The following KIAA1328 variants were observed in gnomAD, a reference collection of about 807,000 sequenced individuals.
The protein encoded by KIAA1328 is KIAA1328, also known as protein hinderin.
Under a neutral mutation model 68.1 loss-of-function variants are expected in KIAA1328, and 52 were observed. That is an observed-to-expected ratio of 0.76 (90% confidence interval 0.61 to 0.96). The LOEUF is 0.96. Ranked by LOEUF, KIAA1328 falls within the 40% of genes least tolerant of loss-of-function variation. KIAA1328 has a pLI of 0.00. For synonymous variants in KIAA1328, 232 were observed against 239.4 expected, an observed-to-expected ratio of 0.97 and a Z score of 0.28; for missense variants, 641 against 677.6, an observed-to-expected ratio of 0.95 and a Z score of 0.60.
chr18:37,055,955 G>A (rs2055889838), intron 6 of KIAA1328, among the ~76,000 whole-genome samples: 1 of 152,154 alleles, frequency 6.6e-6, no homozygotes. Flanking sequence ...AAATGCATTG[G>A]AAGTAATCAC....
At chr18:36,877,074 C>T (rs1568110466) in intron 4 of KIAA1328, among the ~76,000 whole-genome samples, 1 of 152,090 alleles carries the variant, frequency 6.6e-6, no homozygotes, top group Non-Finnish European at 1.5e-5. Flanking sequence ...TTTGCATTTG[C>T]TGGGGAGTGT....
At chr18:36,877,935 G>A (rs1003357869) in intron 4 of KIAA1328, among the ~76,000 whole-genome samples, 1 of 152,010 alleles carries the variant, frequency 6.6e-6, no homozygotes, top group Non-Finnish European at 1.5e-5. Flanking sequence ...CCAAAGTGCT[G>A]GGATTACGGG....
intron 5 of KIAA1328, among the ~76,000 whole-genome samples, chr18:36,934,093 C>A (rs931919748): frequency 2.2e-4 from 33 of 152,212 alleles, no homozygotes; most frequent in Non-Finnish European, 4.4e-4. Context: ...CAGCTAGGAT[C>A]CCAGAGGTCT....
intron 7 of KIAA1328, among the ~76,000 whole-genome samples, chr18:37,080,729 G>A (rs900862973): frequency 7.3e-5 from 11 of 150,352 alleles, no homozygotes; most frequent in African/African-American, 2.2e-4. Context: ...GCAGTGAGCC[G>A]AGATCGCGCC....
intron 7 of KIAA1328, among the ~76,000 whole-genome samples, chr18:37,076,457 A>G (rs1483445844): frequency 6.6e-6 from 1 of 151,900 alleles, no homozygotes; most frequent in Non-Finnish European, 1.5e-5. Context: ...TTCAAAAGCT[A>G]GCAGAAGACT....
chr18:37,162,611 TA>T (rs748930221), intron 8 of KIAA1328, among the ~76,000 whole-genome samples: 11 of 152,212 alleles, frequency 7.2e-5, no homozygotes, highest in Non-Finnish European at 1.5e-4. Flanking sequence ...AAACCCTGTT[TA>T]TCATAAGGCT....
chr18:37,101,108 G>A (rs373958843), intron 7 of KIAA1328, among the ~76,000 whole-genome samples: 202 of 152,274 alleles, frequency 1.3e-3, no homozygotes, highest in African/African-American at 4.4e-3. Context: ...ATATCAGAGC[G>A]CCTCTCCTCC....
At chr18:36,843,023 T>C (rs2046910400) in intron 3 of KIAA1328, among the ~76,000 whole-genome samples, 1 of 151,988 alleles carries the variant, frequency 6.6e-6, no homozygotes, top group East Asian at 1.9e-4. Flanking sequence ...ACTAATATTT[T>C]TTCTTAATTT....
At chr18:36,866,265 T>A (rs1328187474) in intron 4 of KIAA1328, among the ~76,000 whole-genome samples, 1 of 152,090 alleles carries the variant, frequency 6.6e-6, no homozygotes, top group Non-Finnish European at 1.5e-5. Flanking sequence ...CCTTCTTCTC[T>A]TACTTAGGTT....
intron 7 of KIAA1328, among the ~76,000 whole-genome samples, chr18:37,086,416 T>C (rs948234844): frequency 6.6e-6 from 1 of 152,234 alleles, no homozygotes; most frequent in Non-Finnish European, 1.5e-5. Flanking sequence ...AATCCTGCTC[T>C]AGTATGAACT....
At chr18:37,020,662 G>A (rs544243411) in intron 6 of KIAA1328, among the ~76,000 whole-genome samples, 2 of 152,238 alleles carry the variant, frequency 1.3e-5, no homozygotes, top group East Asian at 3.9e-4. Flanking sequence ...ATATGTAATA[G>A]AATTTAATCC....
At chr18:36,965,330 A>C (rs2051875086) in intron 6 of KIAA1328, among the ~76,000 whole-genome samples, 1 of 151,754 alleles carries the variant, frequency 6.6e-6, no homozygotes, top group Non-Finnish European at 1.5e-5. Flanking sequence ...CAGACTGGTC[A>C]AGAATCTGAA....
chr18:37,217,700 T>C (rs2060472409), intron 9 of KIAA1328, among the ~76,000 whole-genome samples: 2 of 152,212 alleles, frequency 1.3e-5, no homozygotes, highest in Admixed American at 1.3e-4. Flanking sequence ...ATTTCCTGAA[T>C]TTGAATGTTG....
intron 4 of KIAA1328, among the ~76,000 whole-genome samples, chr18:36,870,039 T>A (rs1182263133): frequency 6.6e-6 from 1 of 152,028 alleles, no homozygotes; most frequent in African/African-American, 2.4e-5. Context: ...ATTTTTGTAT[T>A]TTTTAGTAGA....
intron 9 of KIAA1328, among the ~76,000 whole-genome samples, chr18:37,191,861 T>C (rs2059910328): frequency 6.6e-6 from 1 of 152,176 alleles, no homozygotes; most frequent in Non-Finnish European, 1.5e-5. Flanking sequence ...GAGGTCTTTG[T>C]GTATTCACTA....
chr18:36,847,476 A>G (rs2047066993), intron 4 of KIAA1328, among the ~76,000 whole-genome samples: 1 of 151,438 alleles, frequency 6.6e-6, no homozygotes, highest in South Asian at 2.1e-4. Context: ...TGTAGAAATA[A>G]TTAGTGTTTA....
intron 7 of KIAA1328, among the ~76,000 whole-genome samples, chr18:37,114,058 T>TG (rs1473840328): frequency 6.6e-6 from 1 of 152,118 alleles, no homozygotes; most frequent in Non-Finnish European, 1.5e-5. Flanking sequence ...ACAATAATAA[T>TG]GGGAGACTTT....
In KIAA1328 at chr18:36,881,136, GT is replaced by G. The variant is rs765071340; in HGVS notation, c.333-4407del. On this transcript the variant is annotated intron_variant, in intron 4 of 9. Transcript: ENST00000280020. ...CCAGTAAGTATTAGAAAGTTAACTTGTTTTTTTTTTTTTTGGTTGCCAGTTT... is the reference window on the plus strand; with the variant it reads ...CCAGTAAGTATTAGAAAGTTAACTTGTTTTTTTTTTTTTGGTTGCCAGTTT... 3.3e-3 allele frequency among the ~76,000 whole-genome samples: 437 copies of G among 131,464 alleles called. 1 individual carries two copies. Among genetic ancestry groups the G allele is most frequent in the Middle Eastern group, 0.013 (3 of 234 alleles). 86.2% of individuals were successfully genotyped at this position (131,464 alleles called of 152,430 possible). A position where few individuals can be genotyped will look rare whatever the true frequency, so the allele number is the denominator to read the frequency against.
At chr18:36,840,076 T>C (rs969493726) in intron 3 of KIAA1328, among the ~76,000 whole-genome samples, 5 of 152,144 alleles carry the variant, frequency 3.3e-5, no homozygotes, top group Non-Finnish European at 5.9e-5. Context: ...ACCTTGGCTT[T>C]CCTGGACTCC....
Sources: gnomAD v4.1 joint callset for allele counts (sites outside exome capture counted in the v4.1 genomes callset) on GRCh38, gnomAD v4.1.1 for gene constraint, MANE v1.5 for transcripts, NCBI Gene and HGNC (gene_info 2026-07-23, HGNC 2026-07-21) for gene names.